TNS3: variants seen among roughly 807,000 people sequenced by gnomAD.
The protein encoded by TNS3 is tensin-3.
In TNS3, 45 loss-of-function variants were observed where a neutral mutation model predicts 140.9. The ratio of observed to expected loss-of-function variants is 0.32; its 90% CI spans 0.25 to 0.41. The LOEUF is 0.41. Ranked by LOEUF, TNS3 falls within the 10% of genes least tolerant of loss-of-function variation. The pLI is 1.00. For missense variants in TNS3, 1,716 were observed against 1,906.7 expected (o/e 0.90, Z 1.86); for synonymous variants, 815 against 788.4 (o/e 1.03, Z -0.56).
At chr7:47,418,264 G>A (rs751496091) in intron 10 of TNS3, among the ~76,000 whole-genome samples, 1 of 152,164 alleles carries the variant, frequency 6.6e-6, no homozygotes, top group Non-Finnish European at 1.5e-5. Flanking sequence ...CTGCACCACT[G>A]CACTCCAGCC....
chr7:47,397,475 T>A (rs17626629), intron 15 of TNS3, among the ~76,000 whole-genome samples: 59,698 of 152,142 alleles, frequency 0.39, 13,478 homozygotes, highest in Non-Finnish European at 0.52. Context: ...ACCTTGATGA[T>A]AAAGGGACTG....
At chr7:47,386,392 A>C (rs1158960232) in intron 16 of TNS3, among the ~76,000 whole-genome samples, 4 of 152,238 alleles carry the variant, frequency 2.6e-5, no homozygotes, top group African/African-American at 9.6e-5. Flanking sequence ...TGCACTTCGC[A>C]TCAGTCTCTC....
At chr7:47,461,999 C>T (rs1796510572) in intron 4 of TNS3, among the ~76,000 whole-genome samples, 1 of 152,134 alleles carries the variant, frequency 6.6e-6, no homozygotes, top group Non-Finnish European at 1.5e-5. Flanking sequence ...ACAGGGAACC[C>T]CAGACCCTGG....
chr7:47,561,940 A>G (rs1800326462), intron 1 of TNS3, among the ~76,000 whole-genome samples: 2 of 152,234 alleles, frequency 1.3e-5, no homozygotes, highest in African/African-American at 4.8e-5. Flanking sequence ...AGACCTCAAG[A>G]AAGAATTTGT....
chr7:47,374,183 A>C (rs1484206921), intron 16 of TNS3, among the ~76,000 whole-genome samples: 1 of 152,260 alleles, frequency 6.6e-6, no homozygotes, highest in Admixed American at 6.5e-5. Context: ...CCCATGAAGC[A>C]GGAAGCATGG....
chr7:47,343,639 A>T (rs1277350488), intron 20 of TNS3, among the ~76,000 whole-genome samples: 1 of 152,212 alleles, frequency 6.6e-6, no homozygotes, highest in Non-Finnish European at 1.5e-5. Flanking sequence ...AAATGATAAA[A>T]AATATAGAAC....
At chr7:47,568,032 T>C (rs1800468513) in intron 1 of TNS3, among the ~76,000 whole-genome samples, 1 of 152,132 alleles carries the variant, frequency 6.6e-6, no homozygotes, top group Non-Finnish European at 1.5e-5. Flanking sequence ...TTGCTGTCTG[T>C]ACCCACAGGC....
At chr7:47,435,945 C>G (rs768267556) in intron 7 of TNS3, among the ~76,000 whole-genome samples, 1 of 152,220 alleles carries the variant, frequency 6.6e-6, no homozygotes, top group Non-Finnish European at 1.5e-5. Flanking sequence ...CACAGTGACT[C>G]GGTGCAGAAC....
chr7:47,490,691 G>C (rs1797777947), intron 3 of TNS3, among the ~76,000 whole-genome samples: 1 of 152,242 alleles, frequency 6.6e-6, no homozygotes, highest in Non-Finnish European at 1.5e-5. Flanking sequence ...GAGGTGCCCA[G>C]TGCCAATCGT....
chr7:47,332,279 C>T (rs1037811493), intron 20 of TNS3, among the ~76,000 whole-genome samples: 3 of 152,324 alleles, frequency 2.0e-5, no homozygotes, highest in South Asian at 2.1e-4. Context: ...TGAGGGCCTT[C>T]GGAGGAAAGT....
intron 1 of TNS3, among the ~76,000 whole-genome samples, chr7:47,565,666 T>G (rs1290263880): frequency 6.6e-6 from 1 of 152,190 alleles, no homozygotes; most frequent in African/African-American, 2.4e-5. Flanking sequence ...TCACTACGCT[T>G]GGCCAGTTTT....
intron 8 of TNS3, among the ~76,000 whole-genome samples, chr7:47,429,004 G>A (rs886811108): frequency 6.6e-6 from 1 of 152,106 alleles, no homozygotes; most frequent in Non-Finnish European, 1.5e-5. Flanking sequence ...TATTGGACAG[G>A]CCACCTTCAC....
chr7:47,470,312 A>T, intron 4 of TNS3: 1 of 415,412 alleles, frequency 2.4e-6, no homozygotes, highest in Non-Finnish European at 3.2e-6. Flanking sequence ...ATACACATGT[A>T]CACTCTATAT....
At chr7:47,516,944 T>C (rs1432151013) in intron 2 of TNS3, among the ~76,000 whole-genome samples, 1 of 151,998 alleles carries the variant, frequency 6.6e-6, no homozygotes, top group Non-Finnish European at 1.5e-5. Context: ...GCGCCTGTAA[T>C]CCCAGCTACT....
chr7:47,354,479 C>T (rs1475645011), intron 17 of TNS3, among the ~76,000 whole-genome samples: 2 of 152,086 alleles, frequency 1.3e-5, no homozygotes, highest in Non-Finnish European at 2.9e-5. Flanking sequence ...GGCAGGGGGG[C>T]ACCTGCATCT....
intron 16 of TNS3, 58 bp downstream of exon 16, chr7:47,396,742 G>T: frequency 1.5e-6 from 2 of 1,374,802 alleles, no homozygotes; most frequent in Non-Finnish European, 2.1e-6. Context: ...ATATTTGAGT[G>T]GGCTGTCTTC....
intron 16 of TNS3, among the ~76,000 whole-genome samples, chr7:47,383,334 C>T (rs567935075): frequency 1.3e-5 from 2 of 152,178 alleles, no homozygotes; most frequent in South Asian, 4.2e-4. Context: ...GTGAGATGTC[C>T]GGAATGGGAA....
At chr7:47,573,910 T>C (rs1213412926) in intron 1 of TNS3, among the ~76,000 whole-genome samples, 1 of 152,182 alleles carries the variant, frequency 6.6e-6, no homozygotes, top group Non-Finnish European at 1.5e-5. Context: ...TGTGAACACA[T>C]TCTTAGAGGG....
At chr7:47,580,903 G>C (rs1174822505) in intron 1 of TNS3, among the ~76,000 whole-genome samples, 1 of 152,086 alleles carries the variant, frequency 6.6e-6, no homozygotes, top group Non-Finnish European at 1.5e-5. Context: ...AGTCCTCCAT[G>C]ATCATGCATT....
Sources: gnomAD v4.1 joint callset for allele counts (sites outside exome capture counted in the v4.1 genomes callset) on GRCh38, gnomAD v4.1.1 for gene constraint, MANE v1.5 for transcripts, NCBI Gene and HGNC (gene_info 2026-07-23, HGNC 2026-07-21) for gene names.